Variants in PLEKHA7 observed in about 807,000 individuals in gnomAD.
PLEKHA7 encodes the protein pleckstrin homology domain containing A7.
Under a neutral mutation model 170.0 loss-of-function variants are expected in PLEKHA7, and 104 were observed. That is an observed-to-expected ratio of 0.61 (90% CI 0.52 to 0.72). The LOEUF (loss-of-function observed/expected upper bound fraction) is 0.72. PLEKHA7 is among the 30% of genes least tolerant of loss of function. The probability of loss-of-function intolerance (pLI) is 0.00; values close to 1 mark genes in which losing one functional copy is unlikely to be tolerated. For synonymous variants in PLEKHA7, 648 were observed against 660.8 expected (o/e 0.98, Z 0.30); for missense variants, 1,615 against 1,671.7 (o/e 0.97, Z 0.59).
At chr11:16,805,470 A>G (rs1848895983) in intron 13 of PLEKHA7, among the ~76,000 whole-genome samples, 1 of 152,000 alleles carries the variant, frequency 6.6e-6, no homozygotes, top group African/African-American at 2.4e-5. Flanking sequence ...TTTTCTAAGA[A>G]GTAGATTTCT....
intron 8 of PLEKHA7, among the ~76,000 whole-genome samples, chr11:16,846,227 G>A (rs1852397433): frequency 6.6e-6 from 1 of 152,134 alleles, no homozygotes; most frequent in Non-Finnish European, 1.5e-5. Context: ...AGAGGTTGCA[G>A]TGAGTGGAGA....
At chr11:16,833,589 C>T (rs778474165) in intron 9 of PLEKHA7, among the ~76,000 whole-genome samples, 2 of 152,128 alleles carry the variant, frequency 1.3e-5, no homozygotes, top group Non-Finnish European at 2.9e-5. Context: ...TTTTTAATGG[C>T]CATGGCTTGG....
chr11:16,855,982 G>T, intron 4 of PLEKHA7, 68 bp from the exon 5 acceptor site: 1 of 1,311,224 alleles, frequency 7.6e-7, no homozygotes, highest in Non-Finnish European at 1.1e-6. Context: ...AGTAAGATCA[G>T]TTCCAGGTAG....
chr11:16,857,941 ACTC>A (rs1218983419), intron 4 of PLEKHA7, among the ~76,000 whole-genome samples: 2 of 151,846 alleles, frequency 1.3e-5, no homozygotes, highest in African/African-American at 4.8e-5. Flanking sequence ...CTTGTCTCAA[ACTC>A]CTAACCTCAG....
intron 3 of PLEKHA7, among the ~76,000 whole-genome samples, chr11:16,997,369 C>T (rs952629111): frequency 6.6e-6 from 1 of 152,174 alleles, no homozygotes; most frequent in Non-Finnish European, 1.5e-5. Flanking sequence ...AAATGCCAAA[C>T]CCTTCCACTG....
chr11:16,791,392 A>C lies in PLEKHA7; in HGVS notation c.2746-193T>G. 1.6e-6 allele frequency: 1 copy of C among 617,164 alleles called. No homozygotes were observed. Among genetic ancestry groups the C allele is most frequent in the South Asian group, 1.9e-5 (1 of 51,490 alleles). 38.2% of individuals were successfully genotyped at this position (617,164 alleles called of 1,614,324 possible). On this transcript the variant is annotated intron_variant, in intron 19 of 26. Coordinates refer to ENST00000531066, the MANE Select transcript of PLEKHA7 (RefSeq NM_001329630.2). This position sits in a 1 kb window ranked among gnomAD's most constrained non-coding sequence, Gnocchi z 4.5. ...AAGAAGGGACATGCTCTGCTCCTCT[A>C]TCCCCTCAGAGGTATACAGTTTCTA...
At chr11:16,901,133 C>T (rs1857307287) in intron 3 of PLEKHA7, among the ~76,000 whole-genome samples, 1 of 152,176 alleles carries the variant, frequency 6.6e-6, no homozygotes, top group South Asian at 2.1e-4. Flanking sequence ...AGGCATGAGC[C>T]ACTGCACCCA....
chr11:16,843,928 C>A (rs970291358), intron 8 of PLEKHA7, among the ~76,000 whole-genome samples: 1 of 152,126 alleles, frequency 6.6e-6, no homozygotes, highest in African/African-American at 2.4e-5. Context: ...CAGTGTGAGA[C>A]TCTGCCTCAA....
chr11:16,822,982 A>AT (rs1564963457), intron 10 of PLEKHA7, among the ~76,000 whole-genome samples: 6 of 150,024 alleles, frequency 4.0e-5, no homozygotes, highest in East Asian at 2.0e-4. Context: ...GTATGTATGT[A>AT]TTATTTATTT....
Position 16,889,400 on chromosome 11 carries a change from C to CAAA in PLEKHA7, c.222-18221_222-18219dup, listed in dbSNP as rs869268116. Among the ~76,000 whole-genome samples, 144 of 52,698 alleles carry CAAA rather than the reference C, an allele frequency of 2.7e-3. 3 individuals carry two copies. Among genetic ancestry groups the CAAA allele is most frequent in the East Asian group, 5.6e-3 (13 of 2,328 alleles). The allele number at this position is 52,698 out of a possible 152,430, so 34.6% of individuals were successfully genotyped here. A position where few individuals can be genotyped will look rare whatever the true frequency, so the allele number is the denominator to read the frequency against. ...CAGGTGAATTAAAAGCTTTATTGCTCAAAAAAAAAAAAAAAAAAAAATATA... is the reference window on the plus strand; with the variant it reads ...CAGGTGAATTAAAAGCTTTATTGCTCAAAAAAAAAAAAAAAAAAAAAAAATATA... On this transcript the variant is annotated intron_variant, in intron 3 of 26. Coordinates refer to ENST00000531066, the MANE Select transcript of PLEKHA7 (RefSeq NM_001329630.2).
chr11:16,830,954 T>C (rs1260586235), intron 9 of PLEKHA7, among the ~76,000 whole-genome samples: 4 of 152,370 alleles, frequency 2.6e-5, no homozygotes, highest in Non-Finnish European at 2.9e-5. Context: ...CACTTCCATA[T>C]ATGCCAGTGC....
At chr11:16,904,125 C>CA (rs1174278661) in intron 3 of PLEKHA7, among the ~76,000 whole-genome samples, 1 of 152,216 alleles carries the variant, frequency 6.6e-6, no homozygotes, top group Non-Finnish European at 1.5e-5. Flanking sequence ...TCCCTCTTGA[C>CA]AGGCCTTCAT....
intron 3 of PLEKHA7, among the ~76,000 whole-genome samples, chr11:16,917,210 C>A (rs542655309): frequency 6.6e-6 from 1 of 152,144 alleles, no homozygotes. Context: ...CACAGCAAGA[C>A]CCTGTCTCAA....
intron 4 of PLEKHA7, among the ~76,000 whole-genome samples, chr11:16,867,332 T>C (rs1435433183): frequency 6.6e-6 from 1 of 152,154 alleles, no homozygotes; most frequent in Non-Finnish European, 1.5e-5. Context: ...GATTCAGAGA[T>C]CACACTTTGA....
rs141251353 is a variant in PLEKHA7 at position 16,972,310 on chromosome 11, C to T, written c.221+41679G>A. Among the ~76,000 whole-genome samples, 772 of 151,758 alleles carry T rather than the reference C, an allele frequency of 5.1e-3. 3 individuals carry two copies. The highest frequency in any genetic ancestry group is 8.7e-3 in the Non-Finnish European group (589 of 67,912). ...CTAATTTTTGTATTTTTTGTACAGACGGGGTTTTGTCATGTTGCCCAGGCT... is the reference window on the plus strand; with the variant it reads ...CTAATTTTTGTATTTTTTGTACAGATGGGGTTTTGTCATGTTGCCCAGGCT... On this transcript the variant is annotated intron_variant, in intron 3 of 26. Coordinates refer to ENST00000531066, the MANE Select transcript of PLEKHA7 (RefSeq NM_001329630.2).
chr11:16,850,028 T>C (rs111675047), intron 8 of PLEKHA7, among the ~76,000 whole-genome samples: 1 of 152,178 alleles, frequency 6.6e-6, no homozygotes. Flanking sequence ...GATCAAGGTG[T>C]TGATAGAGAC....
chr11:16,981,468 G>A (rs1243096941), intron 3 of PLEKHA7, among the ~76,000 whole-genome samples: 2 of 152,116 alleles, frequency 1.3e-5, no homozygotes, highest in African/African-American at 4.8e-5. Context: ...AACACCTGCT[G>A]CTCTTCACCC....
chr11:16,910,696 C>T (rs190448989), intron 3 of PLEKHA7, among the ~76,000 whole-genome samples: 6 of 152,266 alleles, frequency 3.9e-5, no homozygotes, highest in Admixed American at 2.6e-4. Context: ...GGGTAAAATC[C>T]AGGGATGCTG....
At chr11:16,861,739 T>A (rs1034473473) in intron 4 of PLEKHA7, among the ~76,000 whole-genome samples, 3 of 152,200 alleles carry the variant, frequency 2.0e-5, no homozygotes, top group African/African-American at 7.2e-5. Context: ...CCTTATTAAA[T>A]GACACCTTTA....
Sources: allele counts gnomAD v4.1 joint callset (sites outside exome capture counted in the v4.1 genomes callset), GRCh38; gene constraint gnomAD v4.1.1; non-coding constraint Gnocchi (gnomAD v3.1); transcripts MANE v1.5; gene names NCBI Gene and HGNC (gene_info 2026-07-23, HGNC 2026-07-21).